Variants in DEFB108B observed in about 807,000 individuals in gnomAD.
DEFB108B encodes the protein beta-defensin 108B.
In DEFB108B, 3 loss-of-function variants were observed where a neutral mutation model predicts 2.4. The ratio of observed to expected loss-of-function variants is 1.25; its 90% CI spans 0.57 to 3.24. DEFB108B has a LOEUF of 3.24. Among genes scored for constraint, DEFB108B ranks in the 30% most tolerant of loss-of-function variants. DEFB108B has a pLI of 0.03. For synonymous variants in DEFB108B, 25 were observed against 28.7 expected, an observed-to-expected ratio of 0.87 and a Z score of 0.41; for missense variants, 101 against 87.8, an observed-to-expected ratio of 1.15 and a Z score of -0.60.
At position 71,837,456 on chromosome 11, in the gene DEFB108B, G is replaced by C. The variant is rs373789469; in HGVS notation, c.116G>C (p.Cys39Ser). The C allele has an allele frequency of 1.6e-5, 26 of 1,611,966 alleles. No homozygotes were observed. The African/African-American group carries it at 2.5e-4, about 16-fold the overall frequency. The change falls in exon 2 of 2, where the codon TGC becomes TCC. Residue 39 changes from cysteine to serine, a missense_variant. Coordinates refer to ENST00000328698, the MANE Select transcript of DEFB108B (RefSeq NM_001002035.2). Reference sequence around the variant, plus strand: ...CCAAATGGCTCCTGTCGGGACTTTTGCCTTGAAACAGAAATCCATGTTGGG... The same window carrying C: ...CCAAATGGCTCCTGTCGGGACTTTTCCCTTGAAACAGAAATCCATGTTGGG... ...ERPNGSCRDF[C>S]LETEIHVGRC... is the part of the protein sequence containing the mutation.
At chr11:71,835,172 G>A (rs1565107336) in intron 1 of DEFB108B, among the ~76,000 whole-genome samples, 1 of 152,130 alleles carries the variant, frequency 6.6e-6, no homozygotes, top group Non-Finnish European at 1.5e-5. Flanking sequence ...TTGAGGTTTG[G>A]GGTATGAATA....
At chr11:71,836,190 A>C (rs185107264) in intron 1 of DEFB108B, among the ~76,000 whole-genome samples, 1 of 152,330 alleles carries the variant, frequency 6.6e-6, no homozygotes, top group Non-Finnish European at 1.5e-5. Context: ...TGTTTCTACT[A>C]AGTGACCAAC....
intron 1 of DEFB108B, 60 bp from the exon 2 acceptor site, chr11:71,837,339 A>T (rs1341555006): frequency 2.5e-6 from 4 of 1,594,700 alleles, no homozygotes; most frequent in Non-Finnish European, 3.4e-6. Flanking sequence ...CATCCATGTA[A>T]TTCAACACAA....
At chr11:71,833,397 A>G (rs1054566709) in intron 1 of DEFB108B, 140 bp downstream of exon 1, 8 of 1,377,776 alleles carry the variant, frequency 5.8e-6, no homozygotes, top group South Asian at 4.5e-5. Context: ...AGAGGCCTGC[A>G]GCCATCTAAT....
At chr11:71,833,980 CA>C (rs1185339718) in intron 1 of DEFB108B, among the ~76,000 whole-genome samples, 1 of 152,154 alleles carries the variant, frequency 6.6e-6, no homozygotes, top group East Asian at 1.9e-4. Flanking sequence ...ACCAGACACC[CA>C]AAATAGATCC....
intron 1 of DEFB108B, among the ~76,000 whole-genome samples, chr11:71,833,687 T>C (rs1427023510): frequency 6.6e-6 from 1 of 152,192 alleles, no homozygotes; most frequent in East Asian, 1.9e-4. Flanking sequence ...GAAAATATTA[T>C]TATAATCTAA....
intron 1 of DEFB108B, among the ~76,000 whole-genome samples, chr11:71,834,276 C>T (rs1202534474): frequency 6.6e-6 from 1 of 152,174 alleles, no homozygotes; most frequent in East Asian, 1.9e-4. Context: ...CACACAACAT[C>T]GGGGACTGAC....
intron 1 of DEFB108B, among the ~76,000 whole-genome samples, chr11:71,835,936 C>A (rs1952213601): frequency 6.6e-6 from 1 of 152,116 alleles, no homozygotes; most frequent in South Asian, 2.1e-4. Context: ...AAAACACCAC[C>A]CGTAGTAGAA....
At chr11:71,836,827 C>G (rs1419787319) in intron 1 of DEFB108B, among the ~76,000 whole-genome samples, 2 of 152,078 alleles carry the variant, frequency 1.3e-5, no homozygotes, top group Non-Finnish European at 2.9e-5. Flanking sequence ...GAATATTGTT[C>G]CCTTCCACAG....
intron 1 of DEFB108B, among the ~76,000 whole-genome samples, chr11:71,835,250 C>T (rs1590715092): frequency 6.6e-6 from 1 of 152,162 alleles, no homozygotes; most frequent in African/African-American, 2.4e-5. Flanking sequence ...TCCCTCCCCT[C>T]CTGGTAAGTC....
chr11:71,833,741 GC>G (rs1435032668), intron 1 of DEFB108B, among the ~76,000 whole-genome samples: 2 of 152,148 alleles, frequency 1.3e-5, no homozygotes, highest in African/African-American at 4.8e-5. Flanking sequence ...GGTCACTGGG[GC>G]TTGACTTTTC....
intron 1 of DEFB108B, among the ~76,000 whole-genome samples, chr11:71,835,078 T>C (rs1208767898): frequency 6.6e-6 from 1 of 152,230 alleles, no homozygotes; most frequent in African/African-American, 2.4e-5. Flanking sequence ...CTTTGTAATT[T>C]CAATTTTTTA....
At chr11:71,836,856 C>T (rs555075607) in intron 1 of DEFB108B, among the ~76,000 whole-genome samples, 1 of 152,092 alleles carries the variant, frequency 6.6e-6, no homozygotes, top group Non-Finnish European at 1.5e-5. Context: ...TCCTCTCTAA[C>T]AATTAAAGTA....
intron 1 of DEFB108B, among the ~76,000 whole-genome samples, chr11:71,835,183 ACT>A (rs1238904902): frequency 6.6e-6 from 1 of 152,084 alleles, no homozygotes; most frequent in African/African-American, 2.4e-5. Flanking sequence ...GGTATGAATA[ACT>A]CTGTCACGCA....
rs751417471 is a variant in DEFB108B at position 71,837,405 on chromosome 11, G to A, written c.65G>A (p.Gly22Asp). The A allele has an allele frequency of 1.9e-6, 3 of 1,611,740 alleles. No individual in the cohort carries two copies. Among genetic ancestry groups the A allele is most frequent in the South Asian group, 2.2e-5 (2 of 90,970 alleles). The change falls in exon 2 of 2, where the codon GGC becomes GAC. Residue 22 changes from glycine (G) to aspartate (D), a missense_variant. Gly to Asp is a moderately conservative substitution (Grantham distance 94). Transcript: ENST00000328698. ...FFMSQVLPARGKFKEICERPN... is the reference protein window; with the variant it reads ...FFMSQVLPARDKFKEICERPN... ...AACCCTCTTCTTCATGTAGCCAGGGGCAAATTCAAGGAGATCTGTGAACGT... is the reference window on the plus strand; with the variant it reads ...AACCCTCTTCTTCATGTAGCCAGGGACAAATTCAAGGAGATCTGTGAACGT...
At chr11:71,836,144 G>A (rs113370454) in intron 1 of DEFB108B, among the ~76,000 whole-genome samples, 6,365 of 152,218 alleles carry the variant, frequency 0.042, 209 homozygotes, top group Non-Finnish European at 0.064. Flanking sequence ...AGGAAGAGAT[G>A]GAAAGCTCAG....
chr11:71,834,305 T>C (rs755833012), intron 1 of DEFB108B, among the ~76,000 whole-genome samples: 38 of 152,324 alleles, frequency 2.5e-4, no homozygotes, highest in Middle Eastern at 3.4e-3. Context: ...TTATTATCCT[T>C]GTGGCATTAC....
intron 1 of DEFB108B, among the ~76,000 whole-genome samples, chr11:71,836,590 C>G (rs1590715646): frequency 6.6e-6 from 1 of 152,032 alleles, no homozygotes; most frequent in Non-Finnish European, 1.5e-5. Flanking sequence ...TGGCCTATCC[C>G]CAGAGCAGTG....
At chr11:71,836,641 AC>A (rs1397393269) in intron 1 of DEFB108B, among the ~76,000 whole-genome samples, 1 of 152,236 alleles carries the variant, frequency 6.6e-6, no homozygotes, top group Non-Finnish European at 1.5e-5. Flanking sequence ...AATGTTTTCA[AC>A]AAGTATAGTT....
Sources: allele counts gnomAD v4.1 joint callset (sites outside exome capture counted in the v4.1 genomes callset), GRCh38; gene constraint gnomAD v4.1.1; transcripts MANE v1.5; gene names NCBI Gene and HGNC (gene_info 2026-07-23, HGNC 2026-07-21).